PRDM1: variants seen among roughly 807,000 people sequenced by gnomAD.
PRDM1 encodes PR domain zinc finger protein 1.
A neutral mutation model predicts 62.8 loss-of-function variants in PRDM1; 13 were observed. That is an observed-to-expected ratio of 0.21 (90% CI 0.13 to 0.33). PRDM1 has a LOEUF of 0.33. Among genes scored for constraint, PRDM1 ranks in the 10% least tolerant of loss-of-function variants. The pLI, the probability that PRDM1 is intolerant of heterozygous loss-of-function variation, is 1.00. For synonymous variants in PRDM1, 396 were observed against 417.6 expected (o/e 0.95, Z 0.63); for missense variants, 895 against 1,058.8 (o/e 0.85, Z 2.15).
Position 106,104,857 on chromosome 6 carries a change from A to C in PRDM1, c.697A>C (p.Thr233Pro). Residue 233 changes from threonine (T) to proline (P), a missense_variant, in exon 5 of 7, where the codon ACT becomes CCT. Physicochemically the swap from Thr to Pro is conservative, Grantham distance 38. Around this residue, in one of 4 missense-constraint regions of PRDM1, gnomAD observed 444 missense variants for 422.7 expected, o/e 1.05. Coordinates refer to ENST00000369096, the MANE Select transcript of PRDM1 (RefSeq NM_001198.4). ...QTQSSLKQPSTEKNELCPKNV... is the reference protein window; with the variant it reads ...QTQSSLKQPSPEKNELCPKNV... ...ACAGAGCAGTCTAAAGCAACCGAGCACTGAGAAAAATGAACTCTGCCCAAA... is the reference window on the plus strand; with the variant it reads ...ACAGAGCAGTCTAAAGCAACCGAGCCCTGAGAAAAATGAACTCTGCCCAAA... 6.2e-7 allele frequency: 1 copy of C among 1,614,044 alleles called. No homozygotes were observed. The highest frequency in any genetic ancestry group is 8.5e-7 in the Non-Finnish European group (1 of 1,180,002).
At chr6:106,104,446 G>C (rs1229077675) in intron 4 of PRDM1, among the ~76,000 whole-genome samples, 1 of 152,136 alleles carries the variant, frequency 6.6e-6, no homozygotes, top group Non-Finnish European at 1.5e-5. Flanking sequence ...TCCGACCTCA[G>C]GTGATCCGCC....
In PRDM1 at chr6:106,034,639, T is replaced by TTTTTC. The variant is rs1562149412; in HGVS notation, c.-67+41004_-67+41005insCTTTT. ...ACAGTCTTTCATGTTCTCTCTCTTT[T>TTTTTC]TTTTTTTTTTTTTTTGAGATGGAGT... On this transcript the variant is annotated intron_variant, in intron 1 of 6. Coordinates refer to the PRDM1 transcript ENST00000652320. Among the ~76,000 whole-genome samples the TTTTTC allele has an allele frequency of 1.4e-3, 182 of 128,664 alleles. 2 individuals carry two copies. The highest frequency in any genetic ancestry group is 6.2e-3 in the African/African-American group (176 of 28,388). The allele number at this position is 128,664 out of a possible 152,430, so 84.4% of individuals were successfully genotyped here.
At chr6:106,012,160 T>C (rs1311848144) in intron 1 of PRDM1, among the ~76,000 whole-genome samples, 2 of 108,670 alleles carry the variant, frequency 1.8e-5, no homozygotes, top group East Asian at 6.1e-4. Flanking sequence ...CCCCTCCACA[T>C]TCACACACAC....
intron 4 of PRDM1, among the ~76,000 whole-genome samples, chr6:106,103,481 A>G (rs1339977036): frequency 6.6e-6 from 1 of 152,172 alleles, no homozygotes; most frequent in East Asian, 1.9e-4. Context: ...TTGACAGCCA[A>G]TGCCTTCAGT....
At chr6:106,051,112 C>G (rs1773166574) in intron 1 of PRDM1, among the ~76,000 whole-genome samples, 1 of 152,148 alleles carries the variant, frequency 6.6e-6, no homozygotes, top group Non-Finnish European at 1.5e-5. Context: ...TGTTATCCAT[C>G]CAGTTTGTGT....
intron 1 of PRDM1, among the ~76,000 whole-genome samples, chr6:106,051,939 C>T (rs1773182289): frequency 6.6e-6 from 1 of 152,050 alleles, no homozygotes; most frequent in African/African-American, 2.4e-5. Flanking sequence ...TTTAAAAAGA[C>T]AAATATTATA....
intron 1 of PRDM1, among the ~76,000 whole-genome samples, chr6:106,071,406 C>CACAT (rs754529474): frequency 5.3e-5 from 8 of 152,076 alleles, no homozygotes; most frequent in South Asian, 4.1e-4. Context: ...CACACACACA[C>CACAT]ACATACATAC....
intron 1 of PRDM1, among the ~76,000 whole-genome samples, chr6:106,077,418 G>A (rs954580561): frequency 1.5e-4 from 23 of 152,284 alleles, no homozygotes; most frequent in African/African-American, 5.3e-4. Flanking sequence ...TGGTATACAT[G>A]AGGAAATGGA....
intron 1 of PRDM1, among the ~76,000 whole-genome samples, chr6:106,023,480 A>C (rs1163198807): frequency 5.3e-5 from 8 of 152,092 alleles, no homozygotes. Context: ...TCTCAAAAAA[A>C]AAAAAAAATA....
intron 1 of PRDM1, among the ~76,000 whole-genome samples, chr6:106,058,719 T>C (rs926746070): frequency 6.6e-6 from 1 of 152,150 alleles, no homozygotes; most frequent in Non-Finnish European, 1.5e-5. Flanking sequence ...ATTACAGGCA[T>C]GCGCCACCAT....
At chr6:106,019,624 AT>A (rs1222738204) in intron 1 of PRDM1, among the ~76,000 whole-genome samples, 2 of 146,974 alleles carry the variant, frequency 1.4e-5, no homozygotes, top group African/African-American at 5.0e-5. Flanking sequence ...GACTTGCTTA[AT>A]TTTTTTCTTT....
chr6:106,054,981 G>T (rs1773239947), intron 1 of PRDM1, among the ~76,000 whole-genome samples: 1 of 152,108 alleles, frequency 6.6e-6, no homozygotes, highest in African/African-American at 2.4e-5. Context: ...GACATCTCTA[G>T]CATGAATACT....
Position 106,105,223 on chromosome 6 carries a change from A to T in PRDM1, c.1063A>T (p.Ser355Cys). The T allele has an allele frequency of 6.2e-7, 1 of 1,613,862 alleles. No individual in the cohort carries two copies. Among genetic ancestry groups the T allele is most frequent in the East Asian group, 2.2e-5 (1 of 44,864 alleles). Reference sequence around the variant, plus strand: ...CCTCAAGAGCTCCAGCCCTCACAGCAGCCCTGGGAATACGGTGTCCCCTGT... The same window carrying T: ...CCTCAAGAGCTCCAGCCCTCACAGCTGCCCTGGGAATACGGTGTCCCCTGT... ...QSLKSSSPHS[S>C]PGNTVSPVGP... The change falls in exon 5 of 7, where the codon AGC becomes TGC. Residue 355 changes from serine (S) to cysteine (C), a missense_variant. This residue lies in a region of PRDM1 where 444 missense variants were observed against 422.7 expected (regional missense o/e 1.05). Transcript: ENST00000369096.
Position 106,086,428 on chromosome 6 carries a change from ACGCGGGCG to A in PRDM1, c.-124_-117del. 3 of 823,156 alleles carry A rather than the reference ACGCGGGCG, an allele frequency of 3.6e-6. No individual in the cohort carries two copies. The highest frequency in any genetic ancestry group is 5.8e-6 in the Non-Finnish European group (3 of 518,846). 51.0% of individuals were successfully genotyped at this position (823,156 alleles called of 1,614,324 possible). On this transcript the variant is annotated 5_prime_UTR_variant, in exon 1 of 7. Transcript: ENST00000369096. ...CGGCACCTGTCCGCCCGGAGCTGGG[ACGCGGGCG>A]CCCGGGCGGCCGGACGAAGCGAGGA...
At chr6:106,059,729 A>T (rs9320146) in intron 1 of PRDM1, among the ~76,000 whole-genome samples, 137,677 of 152,272 alleles carry the variant, frequency 0.9, 62,353 homozygotes, top group African/African-American at 0.94. Flanking sequence ...ATGATGACAG[A>T]GCCTTGGCTA....
intron 1 of PRDM1, among the ~76,000 whole-genome samples, chr6:106,065,205 G>A (rs920745078): frequency 2.0e-5 from 3 of 151,842 alleles, no homozygotes; most frequent in South Asian, 2.1e-4. Flanking sequence ...TATGTTGCCC[G>A]GGTGCTGGAC....
At chr6:105,997,572 G>T (rs1478927959) in intron 1 of PRDM1, among the ~76,000 whole-genome samples, 1 of 152,202 alleles carries the variant, frequency 6.6e-6, no homozygotes, top group Non-Finnish European at 1.5e-5. Flanking sequence ...TCCTTAACGG[G>T]TTAGCGGTGA....
At chr6:106,075,801 C>T (rs575306706) in intron 1 of PRDM1, among the ~76,000 whole-genome samples, 1 of 152,308 alleles carries the variant, frequency 6.6e-6, no homozygotes, top group Admixed American at 6.5e-5. Context: ...AAGTGATCCT[C>T]CTGCCTCAGT....
intron 1 of PRDM1, among the ~76,000 whole-genome samples, chr6:106,021,783 G>A (rs1294060748): frequency 6.6e-6 from 1 of 152,164 alleles, no homozygotes; most frequent in East Asian, 1.9e-4. Context: ...ACCACGCCCG[G>A]CTAATTTTGT....
Sources: gnomAD v4.1 joint callset for allele counts (sites outside exome capture counted in the v4.1 genomes callset) on GRCh38, gnomAD v4.1.1 for gene constraint, gnomAD v4.1.1 regional missense constraint, MANE v1.5 for transcripts, NCBI Gene and HGNC (gene_info 2026-07-23, HGNC 2026-07-21) for gene names.